Variants in TMEM217 observed in about 807,000 individuals in gnomAD.
TMEM217 encodes chromosome 6 open reading frame 128.
For synonymous variants in TMEM217, 76 were observed against 88.3 expected (o/e 0.86, Z 0.78); for missense variants, 204 against 248.8 (o/e 0.82, Z 1.21).
intron 1 of TMEM217, among the ~76,000 whole-genome samples, chr6:37,251,168 T>C (rs1398108560): frequency 6.6e-6 from 1 of 150,666 alleles, no homozygotes. Context: ...GTTTACAAGC[T>C]ACCCAATCTA....
At chr6:37,212,916 G>A, downstream of TMEM217, 1 of 1,548,452 alleles carries the variant, frequency 6.5e-7, no homozygotes, top group Non-Finnish European at 8.7e-7. Context: ...AGAACTGGGT[G>A]GTATTAAGGA....
chr6:37,249,858 G>A (rs1765305541), intron 1 of TMEM217, among the ~76,000 whole-genome samples: 1 of 152,180 alleles, frequency 6.6e-6, no homozygotes, highest in Non-Finnish European at 1.5e-5. Flanking sequence ...TTGCAAAGTT[G>A]AACTTATGCA....
chr6:37,237,525 G>C (rs1187374545), intron 1 of TMEM217, among the ~76,000 whole-genome samples: 1 of 152,134 alleles, frequency 6.6e-6, no homozygotes, highest in African/African-American at 2.4e-5. Flanking sequence ...CATTAAAAAG[G>C]ATATTGGAAA....
chr6:37,239,674 C>T (rs1764666693), intron 1 of TMEM217, among the ~76,000 whole-genome samples: 1 of 152,060 alleles, frequency 6.6e-6, no homozygotes, highest in African/African-American at 2.4e-5. Context: ...ATCAAGTTGA[C>T]TTGTGATCTC....
At chr6:37,212,279 G>A (rs570759313) in exon 4 of TMEM217, 35 of 349,322 alleles carry the variant, frequency 1.0e-4, no homozygotes, top group Non-Finnish European at 1.9e-4. Flanking sequence ...GCCCTCTCCC[G>A]AGAATCATTC....
downstream of TMEM217, chr6:37,215,230 T>TA: frequency 6.2e-7 from 1 of 1,613,990 alleles, no homozygotes; most frequent in Non-Finnish European, 8.5e-7. Context: ...CTACAGGTGC[T>TA]GGGGGCTGAG....
At chr6:37,230,723 A>G (rs1410534773) in intron 1 of TMEM217, among the ~76,000 whole-genome samples, 1 of 152,150 alleles carries the variant, frequency 6.6e-6, no homozygotes, top group African/African-American at 2.4e-5. Context: ...CCACTCTGTG[A>G]TATGTAGTTA....
chr6:37,226,562 G>T (rs1284737320), intron 1 of TMEM217, among the ~76,000 whole-genome samples: 1 of 151,572 alleles, frequency 6.6e-6, no homozygotes, highest in Non-Finnish European at 1.5e-5. Context: ...CACCCAAAGT[G>T]CTGGGATTAC....
At chr6:37,222,041 A>C (rs965125988) in intron 1 of TMEM217, among the ~76,000 whole-genome samples, 1 of 152,116 alleles carries the variant, frequency 6.6e-6, no homozygotes, top group Non-Finnish European at 1.5e-5. Context: ...TCCTCTCTGC[A>C]GCTGGTCGTC....
exon 2 of TMEM217, chr6:37,218,710 T>C: frequency 6.2e-7 from 1 of 1,614,200 alleles, no homozygotes; most frequent in Non-Finnish European, 8.5e-7. Context: ...TTACGACGTT[T>C]GCAGTTTCAT....
At chr6:37,242,443 C>T (rs1764815941) in intron 1 of TMEM217, among the ~76,000 whole-genome samples, 1 of 152,168 alleles carries the variant, frequency 6.6e-6, no homozygotes, top group South Asian at 2.1e-4. Flanking sequence ...CTTTAAGAGC[C>T]TAGATTTTCC....
chr6:37,213,154 C>T (rs1053067456), downstream of TMEM217, among the ~76,000 whole-genome samples: 1 of 152,204 alleles, frequency 6.6e-6, no homozygotes, highest in Non-Finnish European at 1.5e-5. Flanking sequence ...CTGGCCCGTG[C>T]TCTGGCCTAA....
intron 1 of TMEM217, among the ~76,000 whole-genome samples, chr6:37,238,229 T>C (rs1764592933): frequency 6.6e-6 from 1 of 151,328 alleles, no homozygotes; most frequent in South Asian, 2.1e-4. Context: ...ATTAAATGAG[T>C]TAACATATTT....
intron 1 of TMEM217, among the ~76,000 whole-genome samples, chr6:37,226,031 G>C (rs182695087): frequency 6.6e-6 from 1 of 152,232 alleles, no homozygotes; most frequent in Admixed American, 6.5e-5. Context: ...GGCTTAGCTT[G>C]TACCACATTA....
chr6:37,225,098 G>A (rs1763751304), intron 1 of TMEM217, among the ~76,000 whole-genome samples: 2 of 151,970 alleles, frequency 1.3e-5, no homozygotes, highest in African/African-American at 4.8e-5. Context: ...TACTCCGGAG[G>A]CTGAGGTATG....
chr6:37,226,174 C>T (rs1320024833), intron 1 of TMEM217, among the ~76,000 whole-genome samples: 1 of 151,068 alleles, frequency 6.6e-6, no homozygotes. Context: ...TTCACTGAGT[C>T]TATGCTTATT....
intron 1 of TMEM217, among the ~76,000 whole-genome samples, chr6:37,226,909 T>C (rs1255979407): frequency 3.3e-5 from 5 of 152,368 alleles, no homozygotes; most frequent in African/African-American, 4.8e-5. Context: ...ACAACTCATG[T>C]ATTGTCTTAT....
exon 2 of TMEM217, chr6:37,218,342 A>T (rs556845140): frequency 1.6e-6 from 2 of 1,253,094 alleles, no homozygotes; most frequent in East Asian, 2.5e-5. Context: ...CTAATTTTCT[A>T]TTTTTTTTAG....
At chr6:37,257,990 G>C (rs375080602) in exon 1 of TMEM217, 1 of 1,613,560 alleles carries the variant, frequency 6.2e-7, no homozygotes, top group African/African-American at 1.3e-5. Context: ...CCAGGACGCT[G>C]AGAGGGATAG....
Sources: gnomAD v4.1 joint callset for allele counts (sites outside exome capture counted in the v4.1 genomes callset) on GRCh38, gnomAD v4.1.1 for gene constraint, MANE v1.5 for transcripts, NCBI Gene and HGNC (gene_info 2026-07-23, HGNC 2026-07-21) for gene names.